Variants in OCIAD2 observed in about 807,000 individuals in gnomAD.
The protein encoded by OCIAD2 is OCIA domain-containing protein 2.
OCIAD2 carries 29 observed loss-of-function variants against 22.9 expected under a neutral mutation model. The ratio of observed to expected loss-of-function variants is 1.27; its 90% CI spans 0.94 to 1.73. The LOEUF is 1.73. Among genes scored for constraint, OCIAD2 ranks in the 40% most tolerant of loss-of-function variants. OCIAD2 has a pLI of 0.00. For synonymous variants in OCIAD2, 67 were observed against 60.2 expected (o/e 1.11, Z -0.52); for missense variants, 189 against 180.3 (o/e 1.05, Z -0.28).
chr4:48,890,843 C>T (rs1781149018), intron 6 of OCIAD2, among the ~76,000 whole-genome samples: 1 of 152,154 alleles, frequency 6.6e-6, no homozygotes, highest in Non-Finnish European at 1.5e-5. Context: ...TCGAAGGTAG[C>T]AAGGCCAGCA....
In OCIAD2 at chr4:48,895,296, T is replaced by C. The variant is rs561234292; in HGVS notation, c.218-1243A>G. Among the ~76,000 whole-genome samples the C allele has an allele frequency of 1.0e-3, 153 of 152,300 alleles. 1 individual carries two copies. The highest frequency in any genetic ancestry group is 4.1e-3 in the South Asian group (20 of 4,826). ...TTAGAGAAGTTATAGAAAACTGATATCAAACTCTGAAAAAAATGTATTAGC... is the reference window on the plus strand; with the variant it reads ...TTAGAGAAGTTATAGAAAACTGATACCAAACTCTGAAAAAAATGTATTAGC... On this transcript the variant is annotated intron_variant, in intron 4 of 6. Transcript: ENST00000508632.
At chr4:48,893,184 G>A (rs1280986202) in intron 5 of OCIAD2, 1 of 190,990 alleles carries the variant, frequency 5.2e-6, no homozygotes, top group Non-Finnish European at 1.1e-5. Flanking sequence ...AGGCCACGGG[G>A]GCAGGGGAAG....
chr4:48,906,449 G>A (rs1160465029), intron 1 of OCIAD2, among the ~76,000 whole-genome samples: 1 of 152,202 alleles, frequency 6.6e-6, no homozygotes, highest in African/African-American at 2.4e-5. Context: ...GCCTACTGGA[G>A]TCCGCTGCCA....
At chr4:48,905,907 T>G (rs1781514410) in intron 1 of OCIAD2, among the ~76,000 whole-genome samples, 1 of 152,144 alleles carries the variant, frequency 6.6e-6, no homozygotes, top group African/African-American at 2.4e-5. Context: ...CTTTCTCCAC[T>G]GTTAATTGGG....
chr4:48,887,204 T>C (rs1268464897), intron 6 of OCIAD2, among the ~76,000 whole-genome samples: 1 of 152,180 alleles, frequency 6.6e-6, no homozygotes, highest in Non-Finnish European at 1.5e-5. Flanking sequence ...TTCTTGTAAA[T>C]TTGTTTGAGT....
intron 6 of OCIAD2, 118 bp downstream of exon 6, chr4:48,892,654 T>G: frequency 1.8e-6 from 1 of 544,940 alleles, no homozygotes; most frequent in East Asian, 3.3e-5. Context: ...ACTTGAGGGT[T>G]AAAACTTTTT....
At position 48,892,840 on chromosome 4, in the gene OCIAD2, T is replaced by C; in HGVS notation, c.315A>G (p.Val105=). ...FGLGKVSYIG[V]CQSKFHFFED... is the part of the protein sequence containing the mutation. The stretch of plus-strand genomic sequence containing the variant: ...CAAAAAAATGGAATTTACTCTGGCA[T>C]ACTCCTATGTATGATACCTTTCCAA... Residue 105 remains valine, a synonymous_variant, in exon 6 of 7, where the codon GTA becomes GTG. Transcript: ENST00000508632. 3.1e-6 allele frequency: 5 copies of C among 1,612,962 alleles called. No homozygotes were observed. Among genetic ancestry groups the C allele is most frequent in the Non-Finnish European group, 4.2e-6 (5 of 1,179,372 alleles).
intron 4 of OCIAD2, among the ~76,000 whole-genome samples, chr4:48,896,070 C>T (rs1445267365): frequency 2.6e-5 from 4 of 152,052 alleles, no homozygotes; most frequent in Non-Finnish European, 4.4e-5. Context: ...CCCATAATCC[C>T]CATAGATGTC....
intron 4 of OCIAD2, among the ~76,000 whole-genome samples, chr4:48,896,023 C>T (rs902910691): frequency 4.6e-5 from 7 of 152,130 alleles, no homozygotes; most frequent in Non-Finnish European, 1.0e-4. Context: ...CAGAGTGAGA[C>T]TCCATCTAAA....
At chr4:48,900,997 C>G (rs1781402814) in intron 2 of OCIAD2, among the ~76,000 whole-genome samples, 1 of 152,100 alleles carries the variant, frequency 6.6e-6, no homozygotes, top group Non-Finnish European at 1.5e-5. Context: ...ATCACTCGCT[C>G]TTGTCCACAT....
Position 48,892,770 on chromosome 4 carries a change from AC to A in OCIAD2, c.383+1del, listed in dbSNP as rs972374404. The A allele has an allele frequency of 2.0e-6, 3 of 1,489,828 alleles. No individual in the cohort carries two copies. The highest frequency in any genetic ancestry group is 2.8e-6 in the Non-Finnish European group (3 of 1,076,832). 92.3% of individuals were successfully genotyped at this position (1,489,828 alleles called of 1,614,324 possible). ...AATCCCTCAACCAAACAGATTACAA[AC>A]CTGTTATGCTGTGGACCAAAACCAG... On this transcript the variant is annotated splice_donor_variant, in intron 6 of 6. Coordinates refer to ENST00000508632, the MANE Select transcript of OCIAD2 (RefSeq NM_001014446.3). LOFTEE classifies it high-confidence loss of function.
chr4:48,895,741 C>T (rs1353487607), intron 4 of OCIAD2, among the ~76,000 whole-genome samples: 7 of 152,226 alleles, frequency 4.6e-5, no homozygotes, highest in East Asian at 1.9e-4. Context: ...TGGCTGGGTG[C>T]GGTGGCTCTT....
chr4:48,886,109 G>A (rs1457726017), intron 6 of OCIAD2, among the ~76,000 whole-genome samples: 2 of 152,170 alleles, frequency 1.3e-5, no homozygotes, highest in Non-Finnish European at 1.5e-5. Context: ...TGTATAAGGT[G>A]TAAGAAAGGG....
intron 4 of OCIAD2, among the ~76,000 whole-genome samples, chr4:48,895,075 T>C (rs1243782028): frequency 6.6e-6 from 1 of 152,010 alleles, no homozygotes; most frequent in Non-Finnish European, 1.5e-5. Context: ...TTTACAGTCA[T>C]AGGAAGGGGC....
intron 4 of OCIAD2, among the ~76,000 whole-genome samples, chr4:48,894,549 G>A (rs1487829551): frequency 6.6e-6 from 1 of 152,110 alleles, no homozygotes; most frequent in Admixed American, 6.6e-5. Flanking sequence ...TGAACTCCCA[G>A]ATAGTCATTT....
intron 3 of OCIAD2, among the ~76,000 whole-genome samples, chr4:48,898,931 T>C (rs1781359173): frequency 1.3e-5 from 2 of 152,100 alleles, no homozygotes; most frequent in African/African-American, 4.8e-5. Context: ...AGCTACCCCA[T>C]AGTGGGCAAA....
chr4:48,892,298 A>G (rs930743127), intron 6 of OCIAD2, among the ~76,000 whole-genome samples: 8 of 152,250 alleles, frequency 5.3e-5, no homozygotes, highest in Admixed American at 5.2e-4. Flanking sequence ...TTGCAGGGTC[A>G]CACAACTTAG....
At chr4:48,896,658 G>T (rs557710090) in intron 4 of OCIAD2, among the ~76,000 whole-genome samples, 4 of 152,146 alleles carry the variant, frequency 2.6e-5, no homozygotes, top group African/African-American at 7.2e-5. Context: ...CAGAAGCCAG[G>T]CATGGTGGCA....
chr4:48,900,066 A>C (rs1781382626), intron 2 of OCIAD2, 141 bp from the exon 3 acceptor site: 4 of 551,748 alleles, frequency 7.2e-6, no homozygotes, highest in Non-Finnish European at 1.3e-5. Flanking sequence ...AGCAATTATC[A>C]GTTTCCAAGA....
Sources: allele counts gnomAD v4.1 joint callset (sites outside exome capture counted in the v4.1 genomes callset), GRCh38; gene constraint gnomAD v4.1.1; transcripts MANE v1.5; gene names NCBI Gene and HGNC (gene_info 2026-07-23, HGNC 2026-07-21).